The following SCGN variants were observed in gnomAD, a reference collection of about 807,000 sequenced individuals.
SCGN encodes the protein secretagogin.
In SCGN, 30 loss-of-function variants were observed where a neutral mutation model predicts 39.7. The ratio of observed to expected loss-of-function variants is 0.76; its 90% confidence interval spans 0.57 to 1.03. The LOEUF is 1.03. Among genes scored for constraint, SCGN ranks in the 50% least tolerant of loss-of-function variants. SCGN has a pLI of 0.00. For missense variants in SCGN, 353 were observed against 349.4 expected (o/e 1.01, Z -0.08); for synonymous variants, 106 against 114.1 (o/e 0.93, Z 0.45).
intron 6 of SCGN, among the ~76,000 whole-genome samples, chr6:25,671,316 A>G (rs1759495856): frequency 6.6e-6 from 1 of 152,212 alleles, no homozygotes; most frequent in South Asian, 2.1e-4. Flanking sequence ...AACTAAGAAA[A>G]AGCGTTCCAT....
chr6:25,696,866 C>T (rs1416645421), intron 10 of SCGN, among the ~76,000 whole-genome samples: 2 of 152,088 alleles, frequency 1.3e-5, no homozygotes, highest in African/African-American at 4.8e-5. Context: ...TAACGTGCTG[C>T]CATCTCTTGG....
intron 3 of SCGN, among the ~76,000 whole-genome samples, chr6:25,664,195 T>A (rs912505210): frequency 6.6e-6 from 1 of 152,080 alleles, no homozygotes; most frequent in African/African-American, 2.4e-5. Context: ...TTCATCATAC[T>A]TGAGTCAACT....
At chr6:25,681,819 C>A in intron 6 of SCGN, 132 bp from the exon 7 acceptor site, 1 of 692,838 alleles carries the variant, frequency 1.4e-6, no homozygotes, top group Non-Finnish European at 2.6e-6. Flanking sequence ...TACTAATTTT[C>A]CCCCAGGCAA....
chr6:25,682,581 A>G (rs1759651588), intron 7 of SCGN, among the ~76,000 whole-genome samples: 1 of 152,214 alleles, frequency 6.6e-6, no homozygotes, highest in Admixed American at 6.5e-5. Flanking sequence ...GGCTGATCCC[A>G]AACAGCATGG....
At chr6:25,654,639 A>G (rs771208299) in intron 2 of SCGN, among the ~76,000 whole-genome samples, 1 of 150,632 alleles carries the variant, frequency 6.6e-6, no homozygotes, top group Non-Finnish European at 1.5e-5. Flanking sequence ...CTGCTTCTCA[A>G]AGCTCTTTTG....
chr6:25,685,880 A>G (rs1759700164), intron 7 of SCGN, among the ~76,000 whole-genome samples: 1 of 152,160 alleles, frequency 6.6e-6, no homozygotes, highest in Non-Finnish European at 1.5e-5. Flanking sequence ...GATACCCAGT[A>G]CACATCAGCA....
At chr6:25,664,140 A>G (rs1760389288) in intron 3 of SCGN, among the ~76,000 whole-genome samples, 1 of 152,234 alleles carries the variant, frequency 6.6e-6, no homozygotes, top group Admixed American at 6.5e-5. Flanking sequence ...TGCATGAAGT[A>G]AATCAGTCAA....
rs577669833 is a variant in SCGN, at chr6:25,697,774, C to T, written c.703-3433C>T. Among the ~76,000 whole-genome samples the T allele has an allele frequency of 5.2e-4, 79 of 152,326 alleles. 1 individual carries two copies. The highest frequency in any genetic ancestry group is 3.4e-3 in the Middle Eastern group (1 of 294). ...CAATTTTATTTCAGATCCACTCTCA[C>T]ACTGTCCTATGAGATGAAAGAGGAA... On this transcript the variant is annotated intron_variant, in intron 10 of 10. Transcript: ENST00000377961.
In SCGN at chr6:25,693,204, C is replaced by T. The variant is rs148763353; in HGVS notation, c.702+2080C>T. 7.6e-4 allele frequency among the ~76,000 whole-genome samples: 115 copies of T among 152,162 alleles called. 3 individuals carry two copies. In the East Asian group the frequency reaches 0.02, roughly 26 times the overall value. On this transcript the variant is annotated intron_variant, in intron 10 of 10. Coordinates refer to ENST00000377961, the MANE Select transcript of SCGN (RefSeq NM_006998.4). ...CGGTGGCTCATGCCTGTAATCCTAG[C>T]ACTTTGGGAGGCAGAGGCAGGTGGA... is the stretch of plus-strand genomic sequence containing the variant.
chr6:25,688,310 A>T (rs1428050246), intron 7 of SCGN, among the ~76,000 whole-genome samples: 1 of 152,108 alleles, frequency 6.6e-6, no homozygotes, highest in African/African-American at 2.4e-5. Flanking sequence ...TTCTGAACTA[A>T]TTCTATGAAG....
intron 2 of SCGN, among the ~76,000 whole-genome samples, chr6:25,655,580 A>G (rs1439259478): frequency 6.6e-6 from 1 of 152,220 alleles, no homozygotes; most frequent in African/African-American, 2.4e-5. Flanking sequence ...TTCAGTGCAA[A>G]TATCTCTGAG....
intron 2 of SCGN, among the ~76,000 whole-genome samples, chr6:25,660,022 A>C (rs556585689): frequency 3.3e-5 from 5 of 152,326 alleles, no homozygotes; most frequent in African/African-American, 1.2e-4. Flanking sequence ...GCTGGAGCAC[A>C]AAAGAAAAAA....
At chr6:25,664,178 G>T (rs1444224775) in intron 3 of SCGN, among the ~76,000 whole-genome samples, 1 of 152,164 alleles carries the variant, frequency 6.6e-6, no homozygotes, top group South Asian at 2.1e-4. Context: ...AAAGCTGATT[G>T]GTTGAATTCA....
chr6:25,658,286 A>T (rs1760264526), intron 2 of SCGN, among the ~76,000 whole-genome samples: 1 of 150,338 alleles, frequency 6.7e-6, no homozygotes, highest in Admixed American at 6.6e-5. Flanking sequence ...TGATCCACCC[A>T]CCTGAGCCTC....
chr6:25,677,726 A>C (rs9467561), intron 6 of SCGN, among the ~76,000 whole-genome samples: 77,731 of 151,956 alleles, frequency 0.51, 20,330 homozygotes, highest in Non-Finnish European at 0.58. Context: ...TGTGAATGGT[A>C]GTTACCACTA....
chr6:25,679,485 T>A (rs1582582641), intron 6 of SCGN, among the ~76,000 whole-genome samples: 1 of 58,562 alleles, frequency 1.7e-5, no homozygotes, highest in Non-Finnish European at 5.3e-5. Context: ...CGTGGGCAGG[T>A]GTGTGTGTGT....
rs1024694746 is a variant in SCGN at position 25,682,003 on chromosome 6, C to T, written c.524C>T (p.Ala175Val). 1 of 1,609,682 alleles carries T rather than the reference C, an allele frequency of 6.2e-7. No individual in the cohort carries two copies. Among genetic ancestry groups the T allele is most frequent in the Admixed American group, 1.7e-5 (1 of 60,012 alleles). ...GGTCGGTTGGATCTAAATGACTTAGCAAGGTGAGTTACATGGAAATGATAT... is the reference window on the plus strand; with the variant it reads ...GGTCGGTTGGATCTAAATGACTTAGTAAGGTGAGTTACATGGAAATGATAT... ...KDGRLDLNDLARILALQENFL... is the reference protein window; with the variant it reads ...KDGRLDLNDLVRILALQENFL... Residue 175 changes from alanine (A) to valine (V), a missense_variant, in exon 7 of 11, where the codon GCA becomes GTA. Ala to Val is a moderately conservative substitution (Grantham distance 64). Coordinates refer to ENST00000377961, the MANE Select transcript of SCGN (RefSeq NM_006998.4).
At chr6:25,657,688 T>C (rs1468330363) in intron 2 of SCGN, among the ~76,000 whole-genome samples, 4 of 149,108 alleles carry the variant, frequency 2.7e-5, no homozygotes, top group Non-Finnish European at 5.9e-5. Context: ...TACGTGTATA[T>C]ATATATGTGT....
chr6:25,665,354 G>A (rs1198678056), intron 4 of SCGN, among the ~76,000 whole-genome samples: 1 of 152,146 alleles, frequency 6.6e-6, no homozygotes, highest in Non-Finnish European at 1.5e-5. Context: ...GAGAGCATGT[G>A]CCCCATCTGA....
Sources: allele counts gnomAD v4.1 joint callset (sites outside exome capture counted in the v4.1 genomes callset), GRCh38; gene constraint gnomAD v4.1.1; transcripts MANE v1.5; gene names NCBI Gene and HGNC (gene_info 2026-07-23, HGNC 2026-07-21).